Variants in NPM1 observed in about 807,000 individuals in gnomAD.
NPM1 encodes the protein nucleophosmin 1, also known as nucleophosmin.
Under a neutral mutation model 44.1 loss-of-function variants are expected in NPM1, and 1 was observed. The ratio of observed to expected loss-of-function variants is 0.02; its 90% CI spans 0.01 to 0.11. The LOEUF (loss-of-function observed/expected upper bound fraction) is 0.11. Among genes scored for constraint, NPM1 ranks in the 10% least tolerant of loss-of-function variants. The pLI is 1.00. For missense variants in NPM1, 197 were observed against 347.8 expected (o/e 0.57, Z 3.45); for synonymous variants, 126 against 111.8 (o/e 1.13, Z -0.80).
At chr5:171,393,049 T>C in intron 6 of NPM1, 71 bp downstream of exon 6, 1 of 1,524,238 alleles carries the variant, frequency 6.6e-7, no homozygotes, top group South Asian at 1.2e-5. Context: ...CATAGTTATA[T>C]GCATGAGGGT....
chr5:171,406,798 G>GT (rs1240018996), intron 9 of NPM1: 71 of 836,330 alleles, frequency 8.5e-5, no homozygotes, highest in Non-Finnish European at 1.0e-4. Flanking sequence ...ATTGGAGGCA[G>GT]TTAAGTTTCT....
At chr5:171,399,196 T>C (rs564783236) in intron 6 of NPM1, among the ~76,000 whole-genome samples, 1 of 152,308 alleles carries the variant, frequency 6.6e-6, no homozygotes, top group East Asian at 1.9e-4. Flanking sequence ...AAGTGTGAGT[T>C]TTCTAGCTTT....
chr5:171,390,164 T>C (rs1770498087), intron 2 of NPM1, 34 bp downstream of exon 2: 8 of 1,237,272 alleles, frequency 6.5e-6, no homozygotes, highest in Non-Finnish European at 7.9e-6. Flanking sequence ...TACTTAACCC[T>C]ACTTGATTTC....
chr5:171,410,712 T>A lies in NPM1; in HGVS notation c.*147T>A, dbSNP rs955985510. The A allele has an allele frequency of 5.6e-6, 3 of 532,772 alleles. No individual in the cohort carries two copies. The highest frequency in any genetic ancestry group is 7.5e-5 in the Admixed American group (2 of 26,816). The allele number at this position is 532,772 out of a possible 1,614,324, so 33.0% of individuals were successfully genotyped here. ...GTTGTCCAGGTTCTATTGCCAAGAA[T>A]GTGTTGTCCAAAATGCCTGTTTAGT... On this transcript the variant is annotated 3_prime_UTR_variant, in exon 11 of 11. Coordinates refer to ENST00000296930, the MANE Select transcript of NPM1 (RefSeq NM_002520.7).
At chr5:171,396,597 C>T (rs12189191) in intron 6 of NPM1, among the ~76,000 whole-genome samples, 42,853 of 152,140 alleles carry the variant, frequency 0.28, 6,986 homozygotes, top group East Asian at 0.43. Flanking sequence ...GAGACCAGTA[C>T]GTTCAGTTGT....
At chr5:171,408,030 T>A in intron 10 of NPM1, among the ~76,000 whole-genome samples, 1 of 152,336 alleles carries the variant, frequency 6.6e-6, no homozygotes, top group East Asian at 1.9e-4. Context: ...GGTTATTGAA[T>A]TCAGTTTTAC....
intron 6 of NPM1, among the ~76,000 whole-genome samples, chr5:171,395,547 G>A (rs1032015047): frequency 7.2e-5 from 11 of 152,092 alleles, no homozygotes; most frequent in African/African-American, 2.7e-4. Context: ...GATTACAGGC[G>A]TGAGCCACCA....
chr5:171,400,282 G>T (rs1212740787), intron 7 of NPM1, 72 bp downstream of exon 7: 82 of 1,239,528 alleles, frequency 6.6e-5, no homozygotes, highest in Non-Finnish European at 8.9e-5. Context: ...CTATTTGCTT[G>T]TTTTGTAGTT....
intron 2 of NPM1, among the ~76,000 whole-genome samples, chr5:171,390,792 C>T (rs1383548042): frequency 1.3e-5 from 2 of 151,652 alleles, no homozygotes; most frequent in Admixed American, 6.6e-5. Context: ...GGTGTAATCT[C>T]GGCTCACTGC....
At chr5:171,392,676 T>C in intron 4 of NPM1, 34 bp from the exon 5 acceptor site, 1 of 1,439,100 alleles carries the variant, frequency 6.9e-7, no homozygotes, top group Non-Finnish European at 9.6e-7. Flanking sequence ...TCTTGCTGCT[T>C]GAGTTTTATA....
rs776798065 is a variant in NPM1, at chr5:171,400,825, A to C, written c.583-14A>C. 1.3e-6 allele frequency: 2 copies of C among 1,566,294 alleles called. No homozygotes were observed. Among genetic ancestry groups the C allele is most frequent in the Non-Finnish European group, 1.8e-6 (2 of 1,137,972 alleles). ...GGGTCAGGGACAGTGATTAAGATAAATTTCTAATTGCAGTCTATACGAGAT... is the reference window on the plus strand; with the variant it reads ...GGGTCAGGGACAGTGATTAAGATAACTTTCTAATTGCAGTCTATACGAGAT... On this transcript the variant is annotated splice_polypyrimidine_tract_variant and intron_variant, in intron 7 of 10. Coordinates refer to ENST00000296930, the MANE Select transcript of NPM1 (RefSeq NM_002520.7).
At chr5:171,391,122 T>C (rs1420303939) in intron 2 of NPM1, 183 bp from the exon 3 acceptor site, 2 of 637,734 alleles carry the variant, frequency 3.1e-6, no homozygotes, top group Admixed American at 6.0e-5. Flanking sequence ...TGTAGTAGGC[T>C]ATACCATCTA....
In NPM1 at chr5:171,392,946, T is replaced by C. The variant is rs566156848; in HGVS notation, c.492T>C (p.Asp164=). The C allele has an allele frequency of 5.6e-6, 9 of 1,609,594 alleles. No individual in the cohort carries two copies. The highest frequency in any genetic ancestry group is 1.7e-4 in the Middle Eastern group (1 of 6,058). ...TAAAACTTGCTGCTGATGAAGATGATGACGATGATGATGAAGAGGATGATG... is the reference window on the plus strand; with the variant it reads ...TAAAACTTGCTGCTGATGAAGATGACGACGATGATGATGAAGAGGATGATG... ...KKVKLAADED[D]DDDDEEDDDE... is the part of the protein sequence containing the mutation. Residue 164 remains aspartate, a synonymous_variant, in exon 6 of 11, where the codon GAT becomes GAC. Transcript: ENST00000296930.
chr5:171,407,599 C>A, intron 9 of NPM1, 101 bp from the exon 10 acceptor site: 1 of 733,818 alleles, frequency 1.4e-6, no homozygotes, highest in East Asian at 2.6e-5. Flanking sequence ...AAAGAATAAA[C>A]TGATCCATGT....
intron 2 of NPM1, among the ~76,000 whole-genome samples, chr5:171,390,356 C>G (rs995600448): frequency 6.6e-6 from 1 of 152,168 alleles, no homozygotes; most frequent in Non-Finnish European, 1.5e-5. Flanking sequence ...TTCAACTTGC[C>G]TTATTTTCTT....
In NPM1 at chr5:171,387,905, T is replaced by C. The variant is rs779663664; in HGVS notation, c.-44T>C. On this transcript the variant is annotated 5_prime_UTR_variant, in exon 1 of 11. Transcript: ENST00000296930. ...TGTTCTCTGGAGCAGCGTTCTTTTA[T>C]CTCCGTCCGCCTTCTCTCCTACCTA... 3.1e-6 allele frequency: 5 copies of C among 1,589,532 alleles called. No homozygotes were observed. Among genetic ancestry groups the C allele is most frequent in the South Asian group, 2.2e-5 (2 of 90,460 alleles).
chr5:171,399,043 G>T (rs1277613573), intron 6 of NPM1, among the ~76,000 whole-genome samples: 1 of 152,058 alleles, frequency 6.6e-6, no homozygotes, highest in Non-Finnish European at 1.5e-5. Flanking sequence ...TAGAGACTGG[G>T]TTTCCCCATT....
intron 7 of NPM1, 83 bp downstream of exon 7, chr5:171,400,293 A>G: frequency 6.4e-7 from 1 of 1,572,158 alleles, no homozygotes. Context: ...TTTTGTAGTT[A>G]AGGGAAGCTG....
intron 6 of NPM1, among the ~76,000 whole-genome samples, chr5:171,395,444 C>T (rs1310020168): frequency 6.6e-6 from 1 of 152,106 alleles, no homozygotes; most frequent in Admixed American, 6.5e-5. Context: ...GGATTACAGG[C>T]ACTTGCCACC....
Sources: allele counts gnomAD v4.1 joint callset (sites outside exome capture counted in the v4.1 genomes callset), GRCh38; gene constraint gnomAD v4.1.1; transcripts MANE v1.5; gene names NCBI Gene and HGNC (gene_info 2026-07-23, HGNC 2026-07-21).